Variants in GGT1 observed in about 807,000 individuals in gnomAD.
GGT1 encodes gamma-glutamyltransferase 1.
A neutral mutation model predicts 56.0 loss-of-function variants in GGT1; 21 were observed. That is an observed-to-expected ratio of 0.38 (90% CI 0.27 to 0.54). The LOEUF is 0.54. GGT1 is among the 20% of genes least tolerant of loss of function. GGT1 has a pLI of 0.82. For synonymous variants in GGT1, 238 were observed against 342.6 expected, an observed-to-expected ratio of 0.69 and a Z score of 3.37; for missense variants, 466 against 787.0, an observed-to-expected ratio of 0.59 and a Z score of 4.88.
chr22:24,605,705 TATATAATGTGTATTATATATTATA>T (rs2046173848), intron 1 of GGT1, among the ~76,000 whole-genome samples: 1 of 73,924 alleles, frequency 1.4e-5, no homozygotes, highest in Non-Finnish European at 2.0e-5. Flanking sequence ...TATTTAATAT[TATATAATGTGTATTATATATTATA>T]TAATATTATA....
chr22:24,626,694 C>T (rs190425304), intron 11 of GGT1, among the ~76,000 whole-genome samples: 1 of 151,342 alleles, frequency 6.6e-6, no homozygotes, highest in East Asian at 1.9e-4. Context: ...CCCCTTTGGG[C>T]TTTATCCTTA....
At chr22:24,593,676 A>C (rs1242456377), upstream of GGT1, among the ~76,000 whole-genome samples, 5 of 151,868 alleles carry the variant, frequency 3.3e-5, no homozygotes, top group Admixed American at 2.6e-4. Flanking sequence ...AATCCCAGCT[A>C]TTCGGGAGGT....
chr22:24,590,871 C>T (rs2045549034), upstream of GGT1, among the ~76,000 whole-genome samples: 1 of 152,184 alleles, frequency 6.6e-6, no homozygotes, highest in Admixed American at 6.5e-5. Flanking sequence ...CCCCCCAGCA[C>T]TCTTCCGTCC....
chr22:24,597,449 C>T (rs62231191), intron 1 of GGT1, among the ~76,000 whole-genome samples: 2,098 of 152,186 alleles, frequency 0.014, 21 homozygotes, highest in African/African-American at 0.026. Flanking sequence ...CTAAGGTGGG[C>T]GGATCACTTG....
rs1569048791 is a variant in GGT1, at chr22:24,605,554, TTATATAATATTATATAATGTGTATTATA to T, written c.-429+2115_-429+2142del. ...AATATTATATAATGTGTATTATATA[TTATATAATATTATATAATGTGTATTATA>T]TATATAATATTATATAATGTGTATT... On this transcript the variant is annotated intron_variant, in intron 1 of 15. Coordinates refer to ENST00000400382, the MANE Select transcript of GGT1 (RefSeq NM_001288833.2). Among the ~76,000 whole-genome samples, 197 of 52,966 alleles carry T rather than the reference TTATATAATATTATATAATGTGTATTATA, an allele frequency of 3.7e-3. 3 individuals carry two copies. The highest frequency in any genetic ancestry group is 4.7e-3 in the African/African-American group (35 of 7,498). The allele number at this position is 52,966 out of a possible 152,430, so 34.7% of individuals were successfully genotyped here.
chr22:24,598,578 G>GT (rs1490566465), upstream of GGT1, among the ~76,000 whole-genome samples: 4 of 151,882 alleles, frequency 2.6e-5, no homozygotes, highest in South Asian at 4.2e-4. Context: ...GGATGAGTTG[G>GT]TTTTTTTTGT....
At chr22:24,622,222 G>A (rs2047463278) in intron 9 of GGT1, among the ~76,000 whole-genome samples, 2 of 149,586 alleles carry the variant, frequency 1.3e-5, no homozygotes, top group South Asian at 4.3e-4. Context: ...AGTGGGGGTG[G>A]GGGTGGGGAA....
Position 24,615,064 on chromosome 22 carries a change from C to T in GGT1, c.319C>T (p.Arg107Cys), listed in dbSNP as rs142987478. Residue 107 changes from arginine (R) to cysteine (C), a missense_variant, in exon 7 of 16, where the codon CGC becomes TGC. Arg to Cys is a radical substitution (Grantham distance 180). Transcript: ENST00000400382. ...AGGAAAAGCTGAGGTCATCAACGCCCGCGAGGTGGCCCCCAGGCTGGCCTT... is the reference window on the plus strand; with the variant it reads ...AGGAAAAGCTGAGGTCATCAACGCCTGCGAGGTGGCCCCCAGGCTGGCCTT... ...TTRKAEVINA[R>C]EVAPRLAFAT... 29 of 1,612,092 alleles carry T rather than the reference C, an allele frequency of 1.8e-5. No individual in the cohort carries two copies. In the South Asian group the frequency reaches 2.1e-4, roughly 12 times the overall value.
intron 1 of GGT1, among the ~76,000 whole-genome samples, chr22:24,596,674 C>T (rs1045825495): frequency 2.0e-5 from 3 of 147,196 alleles, no homozygotes; most frequent in Non-Finnish European, 4.4e-5. Flanking sequence ...CTGCGGTGGA[C>T]GGACCATGAG....
chr22:24,592,642 A>C, upstream of GGT1: 1 of 706,718 alleles, frequency 1.4e-6, no homozygotes, highest in Non-Finnish European at 2.1e-6. Flanking sequence ...CGCCGACCTC[A>C]CCCAGCCCTC....
At chr22:24,598,397 A>G (rs2147193874), upstream of GGT1, among the ~76,000 whole-genome samples, 1 of 135,540 alleles carries the variant, frequency 7.4e-6, no homozygotes, top group East Asian at 2.2e-4. Flanking sequence ...CCAAGATCAC[A>G]CCTCTGCACT....
chr22:24,593,053 T>C (rs552282051), upstream of GGT1: 670 of 1,036,282 alleles, frequency 6.5e-4, no homozygotes, highest in Non-Finnish European at 7.4e-4. Flanking sequence ...CGCCGCGCGA[T>C]GGTCGCCGAA....
intron 1 of GGT1, among the ~76,000 whole-genome samples, chr22:24,605,377 ATAT>A (rs1328390435): frequency 5.0e-5 from 3 of 59,872 alleles, no homozygotes; most frequent in East Asian, 4.5e-4. Context: ...ATATTATATA[ATAT>A]TATAATATGT....
At chr22:24,584,361 A>G in the GGT1 span, among the ~76,000 whole-genome samples, 2 of 152,204 alleles carry the variant, frequency 1.3e-5, no homozygotes, top group African/African-American at 2.4e-5. Flanking sequence ...GAGATCTCCA[A>G]TCTCTCCAAA....
rs1476715172 is a variant in GGT1 at position 24,628,455 on chromosome 22, G to C, written c.1563+67G>C. ...CCAGGGCATCCTGGGCTGGAGGCCT[G>C]GATCATCACAGAGTGGACAATGGTT... On this transcript the variant is annotated intron_variant, in intron 15 of 15. Coordinates refer to ENST00000400382, the MANE Select transcript of GGT1 (RefSeq NM_001288833.2). This position sits in a 1 kb window ranked among gnomAD's most constrained non-coding sequence, Gnocchi z 5.7. 3.7e-6 allele frequency: 6 copies of C among 1,602,856 alleles called. No individual in the cohort carries two copies. The African/African-American group carries it at 7.0e-5, about 19-fold the overall frequency.
chr22:24,597,459 G>T (rs973031216), intron 1 of GGT1, among the ~76,000 whole-genome samples: 1 of 152,182 alleles, frequency 6.6e-6, no homozygotes, highest in Non-Finnish European at 1.5e-5. Context: ...CGGATCACTT[G>T]AGGCTAGGAG....
chr22:24,593,646 G>A (rs769266967), upstream of GGT1, among the ~76,000 whole-genome samples: 16 of 152,240 alleles, frequency 1.1e-4, no homozygotes, highest in Non-Finnish European at 1.9e-4. Flanking sequence ...AATTAGCCGG[G>A]CGTGGTGGCG....
At chr22:24,589,317 CCTTG>C in the GGT1 span, 10 of 1,186,002 alleles carry the variant, frequency 8.4e-6, no homozygotes, top group Non-Finnish European at 1.1e-5. Context: ...AGGAGGAGGG[CCTTG>C]CTTATGACCC....
chr22:24,608,743 C>T lies in GGT1; in HGVS notation c.-359+720C>T, dbSNP rs542814583. Reference sequence around the variant, plus strand: ...TGCAATCTTGCCTCACTGCAACCTCCACCTCCTGGGTTCAAGCAATTCTCC... The same window carrying T: ...TGCAATCTTGCCTCACTGCAACCTCTACCTCCTGGGTTCAAGCAATTCTCC... On this transcript the variant is annotated intron_variant, in intron 2 of 15. Coordinates refer to ENST00000400382, the MANE Select transcript of GGT1 (RefSeq NM_001288833.2). Among the ~76,000 whole-genome samples the T allele has an allele frequency of 4.3e-4, 65 of 152,286 alleles. No individual in the cohort carries two copies. In the East Asian group the frequency reaches 0.012, roughly 28 times the overall value.
Sources: gnomAD v4.1 joint callset for allele counts (sites outside exome capture counted in the v4.1 genomes callset) on GRCh38, gnomAD v4.1.1 for gene constraint, Gnocchi (gnomAD v3.1) non-coding constraint, MANE v1.5 for transcripts, NCBI Gene and HGNC (gene_info 2026-07-23, HGNC 2026-07-21) for gene names.